SEC23B: variants seen among roughly 807,000 people sequenced by gnomAD.
SEC23B encodes protein transport protein Sec23B.
In SEC23B, 77 loss-of-function variants were observed where a neutral mutation model predicts 104.3. That is an observed-to-expected ratio of 0.74 (90% confidence interval 0.61 to 0.89). SEC23B has a LOEUF of 0.89. Ranked by LOEUF, SEC23B falls within the 40% of genes least tolerant of loss-of-function variation. The pLI, the probability that SEC23B is intolerant of heterozygous loss-of-function variation, is 0.00. For missense variants in SEC23B, 885 were observed against 949.4 expected (o/e 0.93, Z 0.89); for synonymous variants, 338 against 332.5 (o/e 1.02, Z -0.18).
chr20:18,535,583 T>G, intron 11 of SEC23B, 70 bp from the exon 12 acceptor site: 1 of 1,234,712 alleles, frequency 8.1e-7, no homozygotes, highest in Admixed American at 1.8e-5. Flanking sequence ...CAGTCAGTAC[T>G]TTTCATTAGC....
intron 17 of SEC23B, among the ~76,000 whole-genome samples, chr20:18,551,781 G>A (rs1320222765): frequency 6.6e-6 from 1 of 152,062 alleles, no homozygotes; most frequent in African/African-American, 2.4e-5. Context: ...TTAAATCACT[G>A]TAAATTATTA....
chr20:18,540,997 C>A (rs1001129588), intron 12 of SEC23B, among the ~76,000 whole-genome samples: 5 of 152,248 alleles, frequency 3.3e-5, no homozygotes, highest in African/African-American at 1.2e-4. Context: ...CACTGAAAAT[C>A]TGTGGTTTAG....
chr20:18,523,448 G>A (rs2060104453), intron 4 of SEC23B, among the ~76,000 whole-genome samples: 1 of 139,408 alleles, frequency 7.2e-6, no homozygotes, highest in Non-Finnish European at 1.5e-5. Flanking sequence ...TGTCACCCAG[G>A]CTGGAGTGCA....
intron 1 of SEC23B, among the ~76,000 whole-genome samples, chr20:18,509,148 A>G (rs1323072882): frequency 2.6e-5 from 4 of 152,220 alleles, no homozygotes; most frequent in Non-Finnish European, 5.9e-5. Context: ...TTTGCTTCCC[A>G]TGAAGCTCCA....
chr20:18,540,899 G>A (rs1054736744), intron 12 of SEC23B, among the ~76,000 whole-genome samples: 5 of 152,186 alleles, frequency 3.3e-5, no homozygotes, highest in Non-Finnish European at 5.9e-5. Flanking sequence ...ATCCTAACAA[G>A]AGAGTCAACC....
chr20:18,551,582 C>A (rs1250193980), intron 17 of SEC23B, among the ~76,000 whole-genome samples: 3 of 152,022 alleles, frequency 2.0e-5, no homozygotes, highest in African/African-American at 7.2e-5. Flanking sequence ...GGCGTGGTGG[C>A]ACACACCTGT....
intron 12 of SEC23B, among the ~76,000 whole-genome samples, chr20:18,538,336 G>A (rs1332344144): frequency 2.0e-5 from 3 of 146,460 alleles, no homozygotes; most frequent in South Asian, 2.1e-4. Context: ...TGCAAGCTTC[G>A]CCTCCTGGGT....
intron 1 of SEC23B, among the ~76,000 whole-genome samples, chr20:18,509,172 GCA>G (rs1340719388): frequency 1.3e-5 from 2 of 152,186 alleles, no homozygotes; most frequent in African/African-American, 4.8e-5. Context: ...TGCTTCCTGT[GCA>G]CACAGTGCTT....
Position 18,530,705 on chromosome 20 carries a change from T to G in SEC23B, c.1135T>G (p.Phe379Val). The change falls in exon 10 of 20, where the codon TTC (phenylalanine) becomes GTC (valine). Residue 379 changes from phenylalanine (F) to valine (V), a missense_variant. By Grantham distance (50) the Phe-to-Val change is conservative. Transcript: ENST00000650089. ...TGGYMVMGDS[F>V]NTSLFKQTFQ... ...AGGCTACATGGTAATGGGAGATTCT[T>G]TCAACACTTCTCTCTTCAAGCAGAC... 6.2e-7 allele frequency: 1 copy of G among 1,612,328 alleles called. No homozygotes were observed. Among genetic ancestry groups the G allele is most frequent in the East Asian group, 2.2e-5 (1 of 44,870 alleles).
intron 17 of SEC23B, among the ~76,000 whole-genome samples, chr20:18,552,796 A>G (rs6035070): frequency 0.23 from 34,538 of 152,110 alleles, 4,227 homozygotes; most frequent in East Asian, 0.43. Flanking sequence ...CCTGGACGAC[A>G]GAGTGAGACT....
At chr20:18,522,652 C>T (rs1365996553) in intron 4 of SEC23B, among the ~76,000 whole-genome samples, 1 of 151,922 alleles carries the variant, frequency 6.6e-6, no homozygotes, top group South Asian at 2.1e-4. Flanking sequence ...AAATATCTCA[C>T]GTGTCCGTGT....
Position 18,549,149 on chromosome 20 carries a change from C to T in SEC23B, c.1905+379C>T, listed in dbSNP as rs1032153435. Among the ~76,000 whole-genome samples the T allele has an allele frequency of 4.6e-5, 7 of 151,824 alleles. No individual in the cohort carries two copies. In the South Asian group the frequency reaches 6.2e-4, roughly 14 times the overall value. ...TATAATAGAGGATCAAATAACAATC[C>T]GAATGTTTAATATAGGAAAATAAAT... On this transcript the variant is annotated intron_variant, in intron 16 of 19. Transcript: ENST00000650089.
At position 18,527,563 on chromosome 20, in the gene SEC23B, T is replaced by C; in HGVS notation, c.1061T>C (p.Leu354Pro). The change falls in exon 9 of 20, where the codon CTT becomes CCT. Residue 354 changes from leucine to proline, a missense_variant. By Grantham distance (98) the Leu-to-Pro change is moderately conservative (BLOSUM62 -3). Transcript: ENST00000650089. Reference sequence around the variant, plus strand: ...TGCATTGATATTTATGCTTGTGCCCTTGATCAAACTGGACTTTTGGAGATG... The same window carrying C: ...TGCATTGATATTTATGCTTGTGCCCCTGATCAAACTGGACTTTTGGAGATG... ...GHCIDIYACA[L>P]DQTGLLEMKC... The C allele has an allele frequency of 6.2e-7, 1 of 1,613,726 alleles. No homozygotes were observed. The highest frequency in any genetic ancestry group is 8.5e-7 in the Non-Finnish European group (1 of 1,179,590).
chr20:18,546,363 A>G (rs868736791), intron 15 of SEC23B, among the ~76,000 whole-genome samples: 1 of 152,236 alleles, frequency 6.6e-6, no homozygotes, highest in African/African-American at 2.4e-5. Flanking sequence ...CAAGAAAATG[A>G]GCACACATGG....
intron 2 of SEC23B, 142 bp downstream of exon 2, chr20:18,511,198 G>C: frequency 1.4e-6 from 1 of 701,404 alleles, no homozygotes; most frequent in East Asian, 2.7e-5. Context: ...AACGATTCTT[G>C]TGGTGAGTAG....
intron 4 of SEC23B, among the ~76,000 whole-genome samples, chr20:18,519,366 G>A: frequency 6.6e-6 from 1 of 152,202 alleles, no homozygotes; most frequent in Non-Finnish European, 1.5e-5. Flanking sequence ...TATGTGTCAG[G>A]TGTGAGGAAG....
At chr20:18,527,267 G>A (rs1049181410) in intron 8 of SEC23B, among the ~76,000 whole-genome samples, 2 of 152,086 alleles carry the variant, frequency 1.3e-5, no homozygotes, top group South Asian at 2.1e-4. Flanking sequence ...GGTGGCGCAC[G>A]CTTTTAATCC....
In SEC23B at chr20:18,560,962, T is replaced by G. The variant is rs1450995709; in HGVS notation, c.*222T>G. The G allele has an allele frequency of 1.9e-6, 1 of 531,412 alleles. No homozygotes were observed. Among genetic ancestry groups the G allele is most frequent in the Non-Finnish European group, 3.4e-6 (1 of 296,946 alleles). The allele number at this position is 531,412 out of a possible 1,614,324, so 32.9% of individuals were successfully genotyped here. A position where few individuals can be genotyped will look rare whatever the true frequency, so the allele number is the denominator to read the frequency against. ...TAAATGTTTTGGTACTTGTAGATGT[T>G]TATGTGCTTTTTGTATCCTAACTTT... On this transcript the variant is annotated 3_prime_UTR_variant, in exon 20 of 20. Transcript: ENST00000650089.
Position 18,511,087 on chromosome 20 carries a change from A to T in SEC23B, c.221+31A>T, listed in dbSNP as rs1180192968. ...GATTCTTTTGAAACTGGTAAAAATGATAAATACAATATATTATGAATTTTA... is the reference window on the plus strand; with the variant it reads ...GATTCTTTTGAAACTGGTAAAAATGTTAAATACAATATATTATGAATTTTA... On this transcript the variant is annotated intron_variant, in intron 2 of 19. Transcript: ENST00000650089. 6.8e-7 allele frequency: 1 copy of T among 1,477,754 alleles called. No homozygotes were observed. The highest frequency in any genetic ancestry group is 1.4e-5 in the African/African-American group (1 of 72,172). 91.5% of individuals were successfully genotyped at this position (1,477,754 alleles called of 1,614,324 possible).
Sources: allele counts gnomAD v4.1 joint callset (sites outside exome capture counted in the v4.1 genomes callset), GRCh38; gene constraint gnomAD v4.1.1; transcripts MANE v1.5; gene names NCBI Gene and HGNC (gene_info 2026-07-23, HGNC 2026-07-21).